The following CNTNAP2 variants were observed in gnomAD, a reference collection of about 807,000 sequenced individuals.
The protein encoded by CNTNAP2 is contactin-associated protein-like 2.
A neutral mutation model predicts 155.2 loss-of-function variants in CNTNAP2; 98 were observed. The observed-to-expected ratio is 0.63, with a 90% confidence interval of 0.54 to 0.75. CNTNAP2 has a LOEUF of 0.75. Among genes scored for constraint, CNTNAP2 ranks in the 30% least tolerant of loss-of-function variants. The pLI is 0.00. For synonymous variants in CNTNAP2, 651 were observed against 631.2 expected (o/e 1.03, Z -0.47); for missense variants, 1,727 against 1,688.1 (o/e 1.02, Z -0.40).
intron 3 of CNTNAP2, among the ~76,000 whole-genome samples, chr7:146,996,685 T>C (rs1197071821): frequency 6.6e-6 from 1 of 152,118 alleles, no homozygotes; most frequent in Admixed American, 6.6e-5. Flanking sequence ...TTTTTCCAAT[T>C]TGAATTCCTT....
intron 1 of CNTNAP2, among the ~76,000 whole-genome samples, chr7:146,162,014 A>G (rs1252181988): frequency 6.6e-6 from 1 of 152,244 alleles, no homozygotes; most frequent in Non-Finnish European, 1.5e-5. Flanking sequence ...AATTAATTCA[A>G]GATGGATTAA....
chr7:146,991,578 A>T (rs959079364), intron 3 of CNTNAP2, among the ~76,000 whole-genome samples: 1 of 152,208 alleles, frequency 6.6e-6, no homozygotes, highest in Non-Finnish European at 1.5e-5. Flanking sequence ...TTCACTGTGT[A>T]ATAACACATT....
chr7:147,564,436 T>C (rs1800127513), intron 12 of CNTNAP2, among the ~76,000 whole-genome samples: 1 of 152,166 alleles, frequency 6.6e-6, no homozygotes, highest in South Asian at 2.1e-4. Flanking sequence ...TATTAACCTA[T>C]GATAACTTGA....
rs914331830 is a variant in CNTNAP2 at position 147,414,222 on chromosome 7, C to G, written c.1670+18442C>G. On this transcript the variant is annotated intron_variant, in intron 10 of 23. Coordinates refer to ENST00000361727, the MANE Select transcript of CNTNAP2 (RefSeq NM_014141.6). ...GGCCGATCGCTTGCGATCAGGAGTTCGAGACCAGCTTGGCCAACATGCTGA... is the reference window on the plus strand; with the variant it reads ...GGCCGATCGCTTGCGATCAGGAGTTGGAGACCAGCTTGGCCAACATGCTGA... Among the ~76,000 whole-genome samples the G allele has an allele frequency of 8.6e-5, 13 of 151,572 alleles. No homozygotes were observed. The South Asian group carries it at 2.3e-3, about 27-fold the overall frequency.
intron 1 of CNTNAP2, among the ~76,000 whole-genome samples, chr7:146,223,369 A>G (rs900627741): frequency 3.9e-5 from 6 of 152,230 alleles, no homozygotes; most frequent in Non-Finnish European, 8.8e-5. Flanking sequence ...CCAAGGCAAC[A>G]GGTCTTCTTG....
chr7:146,824,091 C>A (rs1389819227), intron 2 of CNTNAP2, among the ~76,000 whole-genome samples: 1 of 152,040 alleles, frequency 6.6e-6, no homozygotes, highest in Admixed American at 6.6e-5. Context: ...CTGTGTCCAT[C>A]TGTTCTCATT....
intron 21 of CNTNAP2, among the ~76,000 whole-genome samples, chr7:148,347,809 A>G (rs1462267743): frequency 6.6e-6 from 1 of 152,218 alleles, no homozygotes; most frequent in Admixed American, 6.5e-5. Context: ...GGCGATGGAT[A>G]CAAAGATACC....
chr7:146,356,582 C>T (rs1421197692), intron 1 of CNTNAP2, among the ~76,000 whole-genome samples: 1 of 152,090 alleles, frequency 6.6e-6, no homozygotes, highest in Non-Finnish European at 1.5e-5. Flanking sequence ...TAAATTCTTT[C>T]ACCTCAATTT....
At chr7:147,824,865 T>C (rs10236034) in intron 13 of CNTNAP2, among the ~76,000 whole-genome samples, 2,187 of 152,216 alleles carry the variant, frequency 0.014, 53 homozygotes, top group African/African-American at 0.049. Context: ...AAGAAGTGTG[T>C]CACGTGATAC....
chr7:146,967,844 A>G (rs560501264), intron 3 of CNTNAP2, among the ~76,000 whole-genome samples: 4 of 151,964 alleles, frequency 2.6e-5, no homozygotes, highest in East Asian at 3.9e-4. Context: ...TTCCAACACT[A>G]TGTTGAATAG....
chr7:147,478,332 T>A (rs563032766), intron 10 of CNTNAP2, among the ~76,000 whole-genome samples: 16 of 152,162 alleles, frequency 1.1e-4, no homozygotes, highest in Admixed American at 5.9e-4. Flanking sequence ...TTTGTATTTT[T>A]ATTAGAGACG....
At chr7:146,977,281 T>G (rs1247858507) in intron 3 of CNTNAP2, among the ~76,000 whole-genome samples, 1 of 152,022 alleles carries the variant, frequency 6.6e-6, no homozygotes, top group Non-Finnish European at 1.5e-5. Flanking sequence ...CACACACATA[T>G]ACACACAGAA....
intron 15 of CNTNAP2, among the ~76,000 whole-genome samples, chr7:148,110,393 G>A (rs1453305564): frequency 6.6e-6 from 1 of 152,032 alleles, no homozygotes; most frequent in African/African-American, 2.4e-5. Context: ...CCAGGTGACA[G>A]CCCAGAGCAG....
At chr7:147,662,495 T>G (rs1035531188) in intron 13 of CNTNAP2, among the ~76,000 whole-genome samples, 1 of 152,236 alleles carries the variant, frequency 6.6e-6, no homozygotes, top group Non-Finnish European at 1.5e-5. Context: ...TATAATTATC[T>G]AACTTATAAT....
intron 8 of CNTNAP2, among the ~76,000 whole-genome samples, chr7:147,196,569 C>G (rs1188944186): frequency 6.6e-6 from 1 of 152,198 alleles, no homozygotes; most frequent in Non-Finnish European, 1.5e-5. Context: ...CACTTTAAAT[C>G]TCTTCTTGAG....
intron 9 of CNTNAP2, among the ~76,000 whole-genome samples, chr7:147,333,161 G>T (rs745431931): frequency 8.5e-5 from 13 of 152,136 alleles, no homozygotes; most frequent in Non-Finnish European, 1.8e-4. Context: ...GGTAGCACAA[G>T]CCAAGACAGA....
intron 3 of CNTNAP2, among the ~76,000 whole-genome samples, chr7:146,847,557 A>G (rs528129512): frequency 6.6e-6 from 1 of 152,308 alleles, no homozygotes; most frequent in Non-Finnish European, 1.5e-5. Flanking sequence ...TTAATCACTC[A>G]ATTATTTTAT....
intron 4 of CNTNAP2, among the ~76,000 whole-genome samples, chr7:147,101,813 C>T (rs1454820435): frequency 6.6e-6 from 1 of 152,064 alleles, no homozygotes; most frequent in African/African-American, 2.4e-5. Context: ...TTCTACTGCT[C>T]GTCTGTTCAT....
chr7:146,776,007 A>G (rs1039225837), intron 2 of CNTNAP2, among the ~76,000 whole-genome samples: 6 of 152,180 alleles, frequency 3.9e-5, no homozygotes, highest in Admixed American at 3.9e-4. Flanking sequence ...AAAATTCTGC[A>G]TAAAGATGTT....
Sources: allele counts gnomAD v4.1 joint callset (sites outside exome capture counted in the v4.1 genomes callset), GRCh38; gene constraint gnomAD v4.1.1; transcripts MANE v1.5; gene names NCBI Gene and HGNC (gene_info 2026-07-23, HGNC 2026-07-21).